Variants in HERC6 observed in about 807,000 individuals in gnomAD.
HERC6 encodes the protein probable E3 ubiquitin-protein ligase HERC6.
A neutral mutation model predicts 114.5 loss-of-function variants in HERC6; 101 were observed. The observed-to-expected ratio is 0.88, with a 90% CI of 0.75 to 1.04. The LOEUF (loss-of-function observed/expected upper bound fraction) is 1.04, where lower values mean the gene tolerates loss of function less well. Among genes scored for constraint, HERC6 ranks in the 50% least tolerant of loss-of-function variants. The pLI is 0.00. For synonymous variants in HERC6, 408 were observed against 436.2 expected (o/e 0.94, Z 0.81); for missense variants, 1,133 against 1,230.9 (o/e 0.92, Z 1.19).
intron 2 of HERC6, among the ~76,000 whole-genome samples, chr4:88,385,058 G>A (rs530904804): frequency 6.6e-6 from 1 of 151,988 alleles, no homozygotes; most frequent in South Asian, 2.1e-4. Context: ...TAGTTATCTG[G>A]TTTTGATCCA....
At chr4:88,437,835 G>C (rs1738913768) in intron 20 of HERC6, 54 bp downstream of exon 20, 1 of 1,173,668 alleles carries the variant, frequency 8.5e-7, no homozygotes, top group Non-Finnish European at 1.2e-6. Flanking sequence ...ATAAAATGTT[G>C]TATCACTATT....
At chr4:88,430,921 C>T (rs183417167) in intron 16 of HERC6, among the ~76,000 whole-genome samples, 22 of 152,196 alleles carry the variant, frequency 1.4e-4, no homozygotes, top group African/African-American at 4.1e-4. Flanking sequence ...TGCTAGAGTC[C>T]CCCTTCACTT....
chr4:88,431,276 A>T lies in HERC6; in HGVS notation c.2221A>T (p.Met741Leu). The change falls in exon 17 of 23, where the codon ATG becomes TTG. Residue 741 changes from methionine to leucine, a missense_variant. Around this residue, in one of 3 missense-constraint regions of HERC6, gnomAD observed 388 missense variants for 445.9 expected, o/e 0.87. Coordinates refer to ENST00000264346, the MANE Select transcript of HERC6 (RefSeq NM_017912.4). ...PEYGMFMYPE[M>L]GSCMWFPAKP... is the part of the protein sequence containing the mutation. ...ATATGGAATGTTCATGTATCCTGAAATGGGTTCCTGCATGTGGTTTCCTGC... is the reference window on the plus strand; with the variant it reads ...ATATGGAATGTTCATGTATCCTGAATTGGGTTCCTGCATGTGGTTTCCTGC... 6.2e-7 allele frequency: 1 copy of T among 1,608,838 alleles called. No individual in the cohort carries two copies. Among genetic ancestry groups the T allele is most frequent in the Non-Finnish European group, 8.5e-7 (1 of 1,178,308 alleles).
intron 15 of HERC6, among the ~76,000 whole-genome samples, chr4:88,428,002 G>A (rs962422385): frequency 3.9e-5 from 6 of 152,214 alleles, no homozygotes; most frequent in African/African-American, 1.4e-4. Context: ...GCTAAAAGAA[G>A]TACTATTTAG....
At position 88,439,127 on chromosome 4, in the gene HERC6, T is replaced by TCTACCA. The variant is rs202190009; in HGVS notation, c.2556-747_2556-746insCTACCA. 7.0e-3 allele frequency among the ~76,000 whole-genome samples: 1,069 copies of TCTACCA among 152,220 alleles called. 17 individuals carry two copies. The highest frequency in any genetic ancestry group is 0.024 in the African/African-American group (1,015 of 41,518). ...ACTTATATTGAAATCTAATGGATGG[T>TCTACCA]AGAAGTTATCAGGTAAAGAAGAAAT... On this transcript the variant is annotated intron_variant, in intron 20 of 22. Coordinates refer to ENST00000264346, the MANE Select transcript of HERC6 (RefSeq NM_017912.4).
intron 22 of HERC6, 22 bp downstream of exon 22, chr4:88,440,272 G>A: frequency 8.1e-7 from 1 of 1,228,464 alleles, no homozygotes. Context: ...GGTACTAGAT[G>A]GACACATAAT....
In HERC6 at chr4:88,397,054, T is replaced by C. The variant is rs1334267560; in HGVS notation, c.1024+67T>C. 12 of 1,443,192 alleles carry C rather than the reference T, an allele frequency of 8.3e-6. No homozygotes were observed. The East Asian group carries it at 2.9e-4, about 34-fold the overall frequency. The allele number at this position is 1,443,192 out of a possible 1,614,324, so 89.4% of individuals were successfully genotyped here. On this transcript the variant is annotated intron_variant, in intron 7 of 22. Coordinates refer to ENST00000264346, the MANE Select transcript of HERC6 (RefSeq NM_017912.4). ...CACTGGAAGAGAACTAGTATTCAGC[T>C]TCCTTTCAAAGGATCCTACAGAACT...
At chr4:88,437,029 T>G in intron 19 of HERC6, 58 bp downstream of exon 19, 1 of 1,274,952 alleles carries the variant, frequency 7.8e-7, no homozygotes, top group Admixed American at 2.4e-5. Flanking sequence ...TAAAAAATAA[T>G]TTTTATTATA....
At chr4:88,406,170 A>G (rs935718147) in intron 10 of HERC6, among the ~76,000 whole-genome samples, 1 of 152,210 alleles carries the variant, frequency 6.6e-6, no homozygotes, top group Non-Finnish European at 1.5e-5. Context: ...AAGGGAAGAG[A>G]AGGAGAAATA....
At chr4:88,394,701 C>G (rs548507203) in intron 5 of HERC6, among the ~76,000 whole-genome samples, 2 of 151,344 alleles carry the variant, frequency 1.3e-5, no homozygotes, top group Admixed American at 1.3e-4. Context: ...TGTGCCACCA[C>G]GCCTGGCTAA....
chr4:88,442,068 A>G (rs1330716238), intron 22 of HERC6, among the ~76,000 whole-genome samples, 166 bp from the exon 23 acceptor site: 1 of 152,252 alleles, frequency 6.6e-6, no homozygotes, highest in African/African-American at 2.4e-5. Flanking sequence ...CATTGAGGAC[A>G]AAGACCAAAT....
intron 3 of HERC6, among the ~76,000 whole-genome samples, chr4:88,386,442 G>A (rs1247026094): frequency 6.6e-6 from 1 of 152,134 alleles, no homozygotes; most frequent in African/African-American, 2.4e-5. Flanking sequence ...CTGACCTCAA[G>A]TGATCCACCT....
At chr4:88,427,155 C>T (rs1737724134) in intron 15 of HERC6, among the ~76,000 whole-genome samples, 1 of 152,186 alleles carries the variant, frequency 6.6e-6, no homozygotes, top group Admixed American at 6.5e-5. Context: ...TACAATCCTG[C>T]TCTCCAAAGG....
intron 4 of HERC6, among the ~76,000 whole-genome samples, chr4:88,391,403 T>C (rs1265042543): frequency 1.3e-5 from 2 of 152,266 alleles, no homozygotes; most frequent in East Asian, 3.8e-4. Context: ...TAAGGTCAAC[T>C]GATTAACAAC....
rs866853954 is a variant in HERC6, at chr4:88,437,061, T to C, written c.2484+90T>C. ...TATAGTATCTTAAATTTGGGATCCC[T>C]TTTTTTTTTTATTGAGGCAGAGTCT... On this transcript the variant is annotated intron_variant, in intron 19 of 22. Transcript: ENST00000264346. 34 of 358,872 alleles carry C rather than the reference T, an allele frequency of 9.5e-5. No homozygotes were observed. In the Middle Eastern group the frequency reaches 4.4e-3, roughly 47 times the overall value. 22.2% of individuals were successfully genotyped at this position (358,872 alleles called of 1,614,324 possible). A position where few individuals can be genotyped will look rare whatever the true frequency, so the allele number is the denominator to read the frequency against.
At chr4:88,388,088 G>T (rs1330316273) in intron 3 of HERC6, among the ~76,000 whole-genome samples, 6 of 152,206 alleles carry the variant, frequency 3.9e-5, no homozygotes, top group Non-Finnish European at 1.5e-5. Flanking sequence ...TCTGAGATAT[G>T]TTAGCATTTC....
At chr4:88,387,783 A>T (rs917865447) in intron 3 of HERC6, among the ~76,000 whole-genome samples, 2 of 152,234 alleles carry the variant, frequency 1.3e-5, no homozygotes, top group Non-Finnish European at 2.9e-5. Context: ...AGTCCTTAGC[A>T]TATAGCAGAG....
intron 1 of HERC6, among the ~76,000 whole-genome samples, chr4:88,380,498 C>T (rs960633966): frequency 2.9e-5 from 4 of 135,618 alleles, no homozygotes; most frequent in Admixed American, 8.9e-5. Flanking sequence ...GCGGGCGGAG[C>T]ACGAGGTCAG....
At chr4:88,408,042 C>G (rs1387548202) in intron 10 of HERC6, among the ~76,000 whole-genome samples, 1 of 151,866 alleles carries the variant, frequency 6.6e-6, no homozygotes, top group Admixed American at 6.5e-5. Context: ...TGTTGATGCT[C>G]TCCATTGAAG....
Sources: gnomAD v4.1 joint callset for allele counts (sites outside exome capture counted in the v4.1 genomes callset) on GRCh38, gnomAD v4.1.1 for gene constraint, gnomAD v4.1.1 regional missense constraint, MANE v1.5 for transcripts, NCBI Gene and HGNC (gene_info 2026-07-23, HGNC 2026-07-21) for gene names.